Variants in LDB2 observed in about 807,000 individuals in gnomAD.
The protein encoded by LDB2 is LIM domain binding 2.
In LDB2, 12 loss-of-function variants were observed where a neutral mutation model predicts 44.3. The observed-to-expected ratio is 0.27, with a 90% CI of 0.17 to 0.44. The LOEUF is 0.44. Ranked by LOEUF, LDB2 falls within the 20% of genes least tolerant of loss-of-function variation. The pLI is 1.00. For synonymous variants in LDB2, 164 were observed against 174.8 expected, an observed-to-expected ratio of 0.94 and a Z score of 0.49; for missense variants, 344 against 473.5, an observed-to-expected ratio of 0.73 and a Z score of 2.54.
chr4:16,848,683 C>T (rs1787579874), intron 1 of LDB2, among the ~76,000 whole-genome samples: 1 of 152,132 alleles, frequency 6.6e-6, no homozygotes, highest in South Asian at 2.1e-4. Flanking sequence ...TCTAGGTAAC[C>T]CCCATCTCAG....
chr4:16,872,918 G>T (rs1477915359), intron 1 of LDB2, among the ~76,000 whole-genome samples: 3 of 152,182 alleles, frequency 2.0e-5, no homozygotes, highest in Non-Finnish European at 4.4e-5. Context: ...AGGCTGTCCA[G>T]ATCATTGTCG....
chr4:16,737,279 A>C (rs906411249), intron 2 of LDB2, among the ~76,000 whole-genome samples: 1 of 152,092 alleles, frequency 6.6e-6, no homozygotes, highest in Non-Finnish European at 1.5e-5. Flanking sequence ...CCCGGGCTGA[A>C]GTGCCGTGGT....
rs573230504 is a variant in LDB2 at position 16,588,979 on chromosome 4, C to T, written c.409-147G>A. 67 of 743,286 alleles carry T rather than the reference C, an allele frequency of 9.0e-5. 2 individuals are homozygous for T. The African/African-American group carries it at 1.1e-3, about 12-fold the overall frequency. 46.0% of individuals were successfully genotyped at this position (743,286 alleles called of 1,614,324 possible). A position where few individuals can be genotyped will look rare whatever the true frequency, so the allele number is the denominator to read the frequency against. Reference sequence around the variant, plus strand: ...AGATGTGACACGAGTGATGTGTCCACTGCACACGGTACAAATGTCAGCTCT... The same window carrying T: ...AGATGTGACACGAGTGATGTGTCCATTGCACACGGTACAAATGTCAGCTCT... On this transcript the variant is annotated intron_variant, in intron 3 of 7. Transcript: ENST00000304523.
intron 2 of LDB2, among the ~76,000 whole-genome samples, chr4:16,742,199 G>C: frequency 6.6e-6 from 1 of 151,090 alleles, no homozygotes. Context: ...AGTCTCCCAA[G>C]TAGCTGGGAC....
At chr4:16,847,721 A>T (rs1787347413) in intron 1 of LDB2, among the ~76,000 whole-genome samples, 1 of 152,130 alleles carries the variant, frequency 6.6e-6, no homozygotes. Flanking sequence ...GGTTCACACC[A>T]TTCTCCTGCC....
At chr4:16,564,318 G>A (rs536285923) in intron 5 of LDB2, among the ~76,000 whole-genome samples, 40 of 152,206 alleles carry the variant, frequency 2.6e-4, no homozygotes, top group African/African-American at 6.5e-4. Context: ...CTGAGATCTC[G>A]TCACCGCACT....
At chr4:16,886,509 T>C (rs374593983) in intron 1 of LDB2, among the ~76,000 whole-genome samples, 1 of 152,198 alleles carries the variant, frequency 6.6e-6, no homozygotes, top group South Asian at 2.1e-4. Context: ...TTCACAGCAA[T>C]TTTGTTGCAC....
chr4:16,751,861 C>T (rs1765555532), intron 2 of LDB2, among the ~76,000 whole-genome samples: 1 of 152,140 alleles, frequency 6.6e-6, no homozygotes, highest in Admixed American at 6.5e-5. Flanking sequence ...GAATTTGCTA[C>T]AAATCTCACC....
At chr4:16,838,098 T>C (rs1449465392) in intron 1 of LDB2, among the ~76,000 whole-genome samples, 1 of 152,120 alleles carries the variant, frequency 6.6e-6, no homozygotes, top group African/African-American at 2.4e-5. Context: ...TTAAAGAAAA[T>C]CAGAGCCCTG....
chr4:16,599,452 G>C (rs976560795), intron 2 of LDB2, among the ~76,000 whole-genome samples: 1 of 152,054 alleles, frequency 6.6e-6, no homozygotes, highest in South Asian at 2.1e-4. Flanking sequence ...AAAGAATTCA[G>C]GATAATCTGC....
chr4:16,574,208 A>G (rs1267838753), intron 5 of LDB2, among the ~76,000 whole-genome samples: 1 of 152,230 alleles, frequency 6.6e-6, no homozygotes, highest in African/African-American at 2.4e-5. Flanking sequence ...CACTACTGTG[A>G]AATCTAAATG....
chr4:16,862,725 A>G (rs887929747), intron 1 of LDB2, among the ~76,000 whole-genome samples: 1 of 150,864 alleles, frequency 6.6e-6, no homozygotes, highest in Non-Finnish European at 1.5e-5. Context: ...TGTGACCACA[A>G]TGTTTGCAAC....
intron 1 of LDB2, among the ~76,000 whole-genome samples, chr4:16,808,411 G>A (rs1450108115): frequency 1.3e-5 from 2 of 152,210 alleles, no homozygotes; most frequent in Non-Finnish European, 2.9e-5. Flanking sequence ...GCAGATTTTA[G>A]TAATGACCAG....
intron 1 of LDB2, among the ~76,000 whole-genome samples, chr4:16,822,927 A>ATAAT (rs1782373167): frequency 6.6e-6 from 1 of 152,160 alleles, no homozygotes; most frequent in African/African-American, 2.4e-5. Flanking sequence ...ACCCCAATTA[A>ATAAT]GCAGGTGTTG....
intron 2 of LDB2, among the ~76,000 whole-genome samples, chr4:16,641,624 TCA>T (rs1413360852): frequency 6.6e-6 from 1 of 152,068 alleles, no homozygotes; most frequent in Non-Finnish European, 1.5e-5. Context: ...TCCTGTGAAC[TCA>T]GAGTAAGAAG....
intron 2 of LDB2, among the ~76,000 whole-genome samples, chr4:16,613,473 ATGTT>A (rs1726237894): frequency 6.6e-6 from 1 of 152,186 alleles, no homozygotes; most frequent in African/African-American, 2.4e-5. Flanking sequence ...CATCCAACAT[ATGTT>A]TATTTATGAA....
At chr4:16,659,697 G>GTATA (rs1740997839) in intron 2 of LDB2, among the ~76,000 whole-genome samples, 2 of 116,470 alleles carry the variant, frequency 1.7e-5, no homozygotes, top group South Asian at 5.6e-4. Flanking sequence ...ATATATGTAT[G>GTATA]TATGTATATA....
intron 1 of LDB2, among the ~76,000 whole-genome samples, chr4:16,861,348 T>C (rs1334548045): frequency 6.6e-6 from 1 of 152,156 alleles, no homozygotes; most frequent in Non-Finnish European, 1.5e-5. Flanking sequence ...GTCCCATGAA[T>C]TGTCTGCTGC....
intron 7 of LDB2, 124 bp from the exon 8 acceptor site, chr4:16,502,997 A>G: frequency 1.3e-6 from 2 of 1,599,972 alleles, no homozygotes; most frequent in Non-Finnish European, 1.7e-6. Context: ...AACGGGGTCA[A>G]GTCTCAATGT....
Sources: allele counts gnomAD v4.1 joint callset (sites outside exome capture counted in the v4.1 genomes callset), GRCh38; gene constraint gnomAD v4.1.1; transcripts MANE v1.5; gene names NCBI Gene and HGNC (gene_info 2026-07-23, HGNC 2026-07-21).